The following CCDC138 variants were observed in gnomAD, a reference collection of about 807,000 sequenced individuals.
The protein encoded by CCDC138 is coiled-coil domain-containing protein 138.
In CCDC138, 66 loss-of-function variants were observed where a neutral mutation model predicts 82.3. The ratio of observed to expected loss-of-function variants is 0.80; its 90% CI spans 0.66 to 0.98. CCDC138 has a LOEUF of 0.98. CCDC138 is among the 50% of genes least tolerant of loss of function. The pLI is 0.00. For missense variants in CCDC138, 816 were observed against 758.9 expected, an observed-to-expected ratio of 1.08 and a Z score of -0.88; for synonymous variants, 297 against 265.4, an observed-to-expected ratio of 1.12 and a Z score of -1.16.
intron 7 of CCDC138, among the ~76,000 whole-genome samples, chr2:108,807,112 A>G (rs1444609403): frequency 6.6e-6 from 1 of 152,244 alleles, no homozygotes; most frequent in Non-Finnish European, 1.5e-5. Context: ...ACAGAATTGC[A>G]TAACTGAGAA....
intron 10 of CCDC138, among the ~76,000 whole-genome samples, chr2:108,833,609 T>A (rs1558697030): frequency 6.6e-6 from 1 of 152,190 alleles, no homozygotes; most frequent in Non-Finnish European, 1.5e-5. Flanking sequence ...TGGTAAATAT[T>A]TTAGGTTTTG....
intron 13 of CCDC138, among the ~76,000 whole-genome samples, chr2:108,865,970 T>C (rs1316696628): frequency 6.6e-6 from 1 of 152,140 alleles, no homozygotes; most frequent in South Asian, 2.1e-4. Flanking sequence ...AGGGTACCTC[T>C]TTCTCTTCCT....
intron 6 of CCDC138, among the ~76,000 whole-genome samples, chr2:108,804,626 A>C (rs1015791855): frequency 6.6e-6 from 1 of 152,224 alleles, no homozygotes; most frequent in Non-Finnish European, 1.5e-5. Context: ...GAGCAGAAGC[A>C]GAAAATAGAC....
chr2:108,865,145 T>C (rs1245618471), intron 13 of CCDC138, among the ~76,000 whole-genome samples: 2 of 152,054 alleles, frequency 1.3e-5, no homozygotes, highest in East Asian at 3.8e-4. Flanking sequence ...ATATATATTT[T>C]ATATAGATAT....
chr2:108,848,435 A>T (rs1293124089), intron 12 of CCDC138, among the ~76,000 whole-genome samples: 1 of 152,198 alleles, frequency 6.6e-6, no homozygotes, highest in Non-Finnish European at 1.5e-5. Flanking sequence ...GCTTTCAAAG[A>T]AATATAACAG....
chr2:108,793,191 A>G (rs1021394599), intron 4 of CCDC138, among the ~76,000 whole-genome samples: 1 of 137,608 alleles, frequency 7.3e-6, no homozygotes, highest in Non-Finnish European at 1.6e-5. Context: ...CCCTGTCTCT[A>G]CTAAAAAAAA....
At chr2:108,831,750 G>A (rs1308064365) in intron 10 of CCDC138, among the ~76,000 whole-genome samples, 2 of 98,736 alleles carry the variant, frequency 2.0e-5, no homozygotes, top group Non-Finnish European at 3.9e-5. Context: ...CCTTCCTGTT[G>A]AAACGAAGTT....
At chr2:108,841,094 C>T (rs1411100928) in intron 11 of CCDC138, among the ~76,000 whole-genome samples, 1 of 152,086 alleles carries the variant, frequency 6.6e-6, no homozygotes, top group African/African-American at 2.4e-5. Context: ...CTTCGGCCTC[C>T]CAAAGTACTG....
At chr2:108,865,915 C>G (rs532528523) in intron 13 of CCDC138, among the ~76,000 whole-genome samples, 1 of 152,208 alleles carries the variant, frequency 6.6e-6, no homozygotes, top group East Asian at 1.9e-4. Context: ...AGACATAAAC[C>G]AGTTTTCTGG....
At chr2:108,792,320 T>C (rs1724184) in intron 4 of CCDC138, among the ~76,000 whole-genome samples, 55,093 of 152,110 alleles carry the variant, frequency 0.36, 13,588 homozygotes, top group African/African-American at 0.7. Context: ...CCCTCTCCTT[T>C]GTTTTCCTTT....
chr2:108,880,231 A>C (rs1262491828), downstream of CCDC138, among the ~76,000 whole-genome samples: 8 of 152,120 alleles, frequency 5.3e-5, no homozygotes, highest in East Asian at 9.6e-4. Context: ...AAACAAAAAA[A>C]AAAACGAGAG....
At chr2:108,880,216 A>G (rs571864807), downstream of CCDC138, among the ~76,000 whole-genome samples, 1 of 3,964 alleles carries the variant, frequency 2.5e-4, no homozygotes, top group African/African-American at 1.8e-3. Flanking sequence ...ACAACAAACA[A>G]AAACAAACAA....
chr2:108,819,121 A>G (rs1416847340), intron 10 of CCDC138, among the ~76,000 whole-genome samples: 1 of 152,252 alleles, frequency 6.6e-6, no homozygotes. Flanking sequence ...TTATTCCTCC[A>G]TGGAAACACC....
chr2:108,822,947 T>C (rs1685955288), intron 10 of CCDC138, among the ~76,000 whole-genome samples: 1 of 151,942 alleles, frequency 6.6e-6, no homozygotes, highest in Admixed American at 6.6e-5. Context: ...TAACTCAAAT[T>C]AGAAAGGAAA....
Position 108,839,196 on chromosome 2 carries a change from A to G in CCDC138, c.1218A>G (p.Leu406=), listed in dbSNP as rs991877040. 6.2e-7 allele frequency: 1 copy of G among 1,607,736 alleles called. No individual in the cohort carries two copies. The highest frequency in any genetic ancestry group is 1.3e-5 in the African/African-American group (1 of 74,712). The part of the protein sequence containing the change: ...IQEKCVKLLP[L]MTEQLQWMPF... ...CATTTTATCTTTAGCTTTTGCCTCTAATGACAGAGCAGCTACAGTGGATGC... is the reference window on the plus strand; with the variant it reads ...CATTTTATCTTTAGCTTTTGCCTCTGATGACAGAGCAGCTACAGTGGATGC... The change falls in exon 11 of 15, where the codon CTA becomes CTG. Residue 406 remains leucine (L), a synonymous_variant. Coordinates refer to ENST00000295124, the MANE Select transcript of CCDC138 (RefSeq NM_144978.3).
chr2:108,850,737 C>T (rs1691333372), intron 12 of CCDC138, among the ~76,000 whole-genome samples: 1 of 152,174 alleles, frequency 6.6e-6, no homozygotes, highest in Non-Finnish European at 1.5e-5. Flanking sequence ...AGGCGTGAGC[C>T]ACTGCGCCTG....
At chr2:108,878,806 C>T (rs1696193689), downstream of CCDC138, among the ~76,000 whole-genome samples, 1 of 152,062 alleles carries the variant, frequency 6.6e-6, no homozygotes, top group African/African-American at 2.4e-5. Context: ...CTACAATCTT[C>T]TACATTATCA....
chr2:108,862,269 T>TA (rs536310037), intron 13 of CCDC138, among the ~76,000 whole-genome samples: 84 of 152,246 alleles, frequency 5.5e-4, no homozygotes, highest in African/African-American at 2.0e-3. Flanking sequence ...TGGGTTATCT[T>TA]ACCTTACTAT....
chr2:108,855,154 CTG>C (rs1692367603), intron 12 of CCDC138, among the ~76,000 whole-genome samples: 1 of 151,978 alleles, frequency 6.6e-6, no homozygotes, highest in Non-Finnish European at 1.5e-5. Context: ...TTTAGAAAAT[CTG>C]AAATATTCAA....
Sources: allele counts gnomAD v4.1 joint callset (sites outside exome capture counted in the v4.1 genomes callset), GRCh38; gene constraint gnomAD v4.1.1; transcripts MANE v1.5; gene names NCBI Gene and HGNC (gene_info 2026-07-23, HGNC 2026-07-21).